ELP4: variants seen among roughly 807,000 people sequenced by gnomAD.
The protein encoded by ELP4 is elongator complex protein 4.
In ELP4, 51 loss-of-function variants were observed where a neutral mutation model predicts 48.9. The observed-to-expected ratio is 1.04, with a 90% CI of 0.83 to 1.32. The LOEUF (loss-of-function observed/expected upper bound fraction) is 1.32. Ranked by LOEUF, ELP4 falls within the 40% of genes most tolerant of loss-of-function variation. The pLI is 0.00. For missense variants in ELP4, 519 were observed against 514.6 expected (o/e 1.01, Z -0.08); for synonymous variants, 210 against 189.2 (o/e 1.11, Z -0.90).
At chr11:31,647,542 A>T in intron 7 of ELP4, 199 bp from the exon 8 acceptor site, 1 of 434,800 alleles carries the variant, frequency 2.3e-6, no homozygotes, top group Non-Finnish European at 4.1e-6. Flanking sequence ...GAATAGCATG[A>T]CTACATGGGC....
intron 3 of ELP4, among the ~76,000 whole-genome samples, chr11:31,564,361 G>T (rs1035636630): frequency 1.3e-5 from 2 of 149,740 alleles, no homozygotes; most frequent in African/African-American, 4.9e-5. Flanking sequence ...TGACACTGTT[G>T]CTTTAAGATT....
intron 9 of ELP4, among the ~76,000 whole-genome samples, chr11:31,672,456 CTT>C (rs1392662032): frequency 6.6e-6 from 1 of 152,128 alleles, no homozygotes; most frequent in Non-Finnish European, 1.5e-5. Flanking sequence ...ACCTATATAA[CTT>C]TTTAGATATG....
intron 2 of ELP4, among the ~76,000 whole-genome samples, chr11:31,527,885 T>C (rs1049754507): frequency 6.6e-6 from 1 of 152,114 alleles, no homozygotes; most frequent in African/African-American, 2.4e-5. Context: ...GCTGATTCAC[T>C]TTAGCCTTCT....
At chr11:31,641,987 T>G (rs529962987) in intron 7 of ELP4, among the ~76,000 whole-genome samples, 1 of 152,062 alleles carries the variant, frequency 6.6e-6, no homozygotes, top group Admixed American at 6.6e-5. Context: ...AAAAAAGATT[T>G]CTGATTTAGG....
At chr11:31,772,213 G>A (rs538497643) in intron 9 of ELP4, among the ~76,000 whole-genome samples, 2 of 149,394 alleles carry the variant, frequency 1.3e-5, no homozygotes, top group African/African-American at 2.5e-5. Flanking sequence ...TCCACATCCC[G>A]GGTTCAAGCG....
At chr11:31,713,720 A>G (rs1946786298) in intron 9 of ELP4, among the ~76,000 whole-genome samples, 1 of 152,166 alleles carries the variant, frequency 6.6e-6, no homozygotes, top group Non-Finnish European at 1.5e-5. Flanking sequence ...AGCTTTACAG[A>G]TGGAAGAGTA....
At chr11:31,676,582 T>C (rs1175530138) in intron 9 of ELP4, among the ~76,000 whole-genome samples, 1 of 152,216 alleles carries the variant, frequency 6.6e-6, no homozygotes, top group Non-Finnish European at 1.5e-5. Context: ...TCCTGTCTTC[T>C]TCCCTATTTA....
At position 31,789,640 on chromosome 11, in the gene ELP4, C is replaced by A. The variant is rs1427772939; in HGVS notation, c.*6116C>A. On this transcript the variant is annotated 3_prime_UTR_variant, in exon 10 of 10. Coordinates refer to ENST00000640961, the MANE Select transcript of ELP4 (RefSeq NM_019040.5). ...AAACATCCATCCAGTCTACATTGTT[C>A]TTTTTTTCATTATAACATACAAATG... 1.4e-6 allele frequency: 1 copy of A among 695,858 alleles called. No homozygotes were observed. Among genetic ancestry groups the A allele is most frequent in the South Asian group, 1.5e-5 (1 of 66,464 alleles). 43.1% of individuals were successfully genotyped at this position (695,858 alleles called of 1,614,324 possible). A position where few individuals can be genotyped will look rare whatever the true frequency, so the allele number is the denominator to read the frequency against.
intron 3 of ELP4, among the ~76,000 whole-genome samples, chr11:31,579,613 G>T (rs940124255): frequency 3.3e-5 from 5 of 152,076 alleles, no homozygotes; most frequent in Non-Finnish European, 7.3e-5. Context: ...CCCTAAAAAA[G>T]GATGAGTTCA....
chr11:31,774,650 T>A (rs1948209590), intron 9 of ELP4, among the ~76,000 whole-genome samples: 1 of 152,122 alleles, frequency 6.6e-6, no homozygotes, highest in Admixed American at 6.6e-5. Context: ...AGGGAGGAAA[T>A]TTGCCCTCCA....
In ELP4 at chr11:31,620,866, T is replaced by C. The variant is rs550902951; in HGVS notation, c.654-6244T>C. 3.9e-5 allele frequency among the ~76,000 whole-genome samples: 6 copies of C among 152,072 alleles called. No individual in the cohort carries two copies. The South Asian group carries it at 1.2e-3, about 32-fold the overall frequency. On this transcript the variant is annotated intron_variant, in intron 5 of 9. Coordinates refer to ENST00000640961, the MANE Select transcript of ELP4 (RefSeq NM_019040.5). ...GCTCAGAGGTTTCTGCTGGTCATTG[T>C]TCTTCTTGGTGCCCTTAATACATTC...
intron 8 of ELP4, chr11:31,648,611 T>C (rs1489131015): frequency 6.6e-6 from 1 of 151,554 alleles, no homozygotes; most frequent in East Asian, 1.9e-4. Flanking sequence ...AAATTATTGC[T>C]ACCATTGTTA....
At chr11:31,655,121 A>G (rs1345213099) in intron 9 of ELP4, among the ~76,000 whole-genome samples, 1 of 152,030 alleles carries the variant, frequency 6.6e-6, no homozygotes, top group Non-Finnish European at 1.5e-5. Context: ...AATTTTTTAC[A>G]TGTGTACATT....
At chr11:31,740,931 C>G (rs1012437745) in intron 9 of ELP4, among the ~76,000 whole-genome samples, 1 of 152,240 alleles carries the variant, frequency 6.6e-6, no homozygotes, top group African/African-American at 2.4e-5. Context: ...TGAGCCGAAG[C>G]AGGGCGAGGC....
chr11:31,739,199 A>G (rs1348431709), intron 9 of ELP4, among the ~76,000 whole-genome samples: 2 of 152,232 alleles, frequency 1.3e-5, no homozygotes, highest in Non-Finnish European at 2.9e-5. Flanking sequence ...AAACCAATAA[A>G]AGTGTAGTGA....
intron 9 of ELP4, among the ~76,000 whole-genome samples, chr11:31,743,875 A>G (rs1350601461): frequency 2.0e-5 from 3 of 152,222 alleles, no homozygotes; most frequent in Admixed American, 6.5e-5. Context: ...AAGCTAGCAG[A>G]AGGCAAGAAA....
At chr11:31,780,097 T>A (rs1259476782) in intron 9 of ELP4, among the ~76,000 whole-genome samples, 1 of 152,204 alleles carries the variant, frequency 6.6e-6, no homozygotes, top group Non-Finnish European at 1.5e-5. Context: ...GAAACCTCAA[T>A]GTCTAAAAGT....
At chr11:31,612,282 CTT>C (rs1957996152) in intron 5 of ELP4, among the ~76,000 whole-genome samples, 1 of 152,172 alleles carries the variant, frequency 6.6e-6, no homozygotes, top group Admixed American at 6.5e-5. Flanking sequence ...GATGACTTCT[CTT>C]AGTGAAATAA....
intron 9 of ELP4, among the ~76,000 whole-genome samples, chr11:31,722,758 T>C (rs1946996355): frequency 6.6e-6 from 1 of 151,922 alleles, no homozygotes; most frequent in Non-Finnish European, 1.5e-5. Context: ...CCTGTATTGC[T>C]GTATTTATTT....
Sources: allele counts gnomAD v4.1 joint callset (sites outside exome capture counted in the v4.1 genomes callset), GRCh38; gene constraint gnomAD v4.1.1; transcripts MANE v1.5; gene names NCBI Gene and HGNC (gene_info 2026-07-23, HGNC 2026-07-21).